FHIT: variants seen among roughly 807,000 people sequenced by gnomAD.
FHIT encodes bis(5'-adenosyl)-triphosphatase.
Under a neutral mutation model 17.9 loss-of-function variants are expected in FHIT, and 19 were observed. That is an observed-to-expected ratio of 1.06 (90% CI 0.74 to 1.56). FHIT has a LOEUF of 1.56. FHIT is among the 40% of genes most tolerant of loss of function. The pLI, the probability that FHIT is intolerant of heterozygous loss-of-function variation, is 0.00. For synonymous variants in FHIT, 81 were observed against 69.7 expected, an observed-to-expected ratio of 1.16 and a Z score of -0.81; for missense variants, 248 against 189.2, an observed-to-expected ratio of 1.31 and a Z score of -1.82.
chr3:61,078,024 T>G (rs968071801), intron 2 of FHIT, among the ~76,000 whole-genome samples: 73 of 152,122 alleles, frequency 4.8e-4, no homozygotes, highest in African/African-American at 1.7e-3. Context: ...GTAGGCACTT[T>G]GCTAACTGGG....
chr3:60,653,185 C>T (rs2040036142), intron 4 of FHIT, among the ~76,000 whole-genome samples: 1 of 152,054 alleles, frequency 6.6e-6, no homozygotes, highest in Non-Finnish European at 1.5e-5. Context: ...AAACATGACA[C>T]TGGAGAAAAC....
intron 8 of FHIT, among the ~76,000 whole-genome samples, chr3:59,919,614 T>C (rs2107180286): frequency 6.6e-6 from 1 of 152,322 alleles, no homozygotes; most frequent in East Asian, 1.9e-4. Context: ...AAGAACACAA[T>C]GTTCCTAGCC....
At chr3:60,176,739 T>C (rs935927506) in intron 5 of FHIT, among the ~76,000 whole-genome samples, 7 of 152,174 alleles carry the variant, frequency 4.6e-5, no homozygotes, top group Admixed American at 2.6e-4. Context: ...TGGCAAATGT[T>C]ACCAGAGAGA....
chr3:60,589,372 G>C (rs72887633), intron 4 of FHIT, among the ~76,000 whole-genome samples: 2,218 of 152,064 alleles, frequency 0.015, 58 homozygotes, highest in African/African-American at 0.05. Context: ...TTAATACAAA[G>C]GGAGGAAGCC....
At chr3:60,567,754 C>T (rs1055572549) in intron 4 of FHIT, among the ~76,000 whole-genome samples, 27 of 151,934 alleles carry the variant, frequency 1.8e-4, no homozygotes, top group African/African-American at 5.1e-4. Context: ...TCAAACAAAT[C>T]TACAAGAAAA....
intron 8 of FHIT, among the ~76,000 whole-genome samples, chr3:59,759,922 G>T (rs1349021): frequency 0.18 from 27,527 of 152,062 alleles, 2,810 homozygotes; most frequent in South Asian, 0.27. Flanking sequence ...TTACTTAGTA[G>T]AAAAATATGT....
intron 5 of FHIT, among the ~76,000 whole-genome samples, chr3:60,234,168 C>G (rs1175117033): frequency 1.3e-5 from 2 of 152,066 alleles, no homozygotes; most frequent in Non-Finnish European, 2.9e-5. Context: ...TACACAAATC[C>G]TTTAAATCAG....
chr3:60,676,330 C>A (rs1419779313), intron 4 of FHIT, among the ~76,000 whole-genome samples: 1 of 152,118 alleles, frequency 6.6e-6, no homozygotes, highest in East Asian at 1.9e-4. Context: ...GAACTTAAAT[C>A]ATCACTTCCC....
Position 61,081,866 on chromosome 3 carries a change from A to G in FHIT, c.-163-39767T>C, listed in dbSNP as rs563053263. Among the ~76,000 whole-genome samples, 4 of 152,330 alleles carry G rather than the reference A, an allele frequency of 2.6e-5. No individual in the cohort carries two copies. The South Asian group carries it at 8.3e-4, about 32-fold the overall frequency. On this transcript the variant is annotated intron_variant, in intron 2 of 9. Transcript: ENST00000492590. The stretch of plus-strand genomic sequence containing the variant: ...AATATCTTTTTGGGGGCACACAAGT[A>G]AACCTATTCTGTGCAGGGCACACAA...
intron 5 of FHIT, among the ~76,000 whole-genome samples, chr3:60,279,521 A>C (rs1018231017): frequency 1.3e-5 from 2 of 152,156 alleles, no homozygotes; most frequent in African/African-American, 4.8e-5. Flanking sequence ...CCTTCTTTAG[A>C]TAGGTAAAGC....
chr3:59,949,173 G>C (rs1204362436), intron 7 of FHIT, among the ~76,000 whole-genome samples: 2 of 152,198 alleles, frequency 1.3e-5, no homozygotes, highest in Admixed American at 6.5e-5. Flanking sequence ...ATATCTTCTA[G>C]ATATGAGTCC....
intron 3 of FHIT, among the ~76,000 whole-genome samples, chr3:60,903,716 T>C (rs1553763820): frequency 6.6e-6 from 1 of 152,198 alleles, no homozygotes; most frequent in Admixed American, 6.5e-5. Context: ...TCAGAGCCAA[T>C]TTTACACATT....
At chr3:60,096,550 AT>A (rs1173066591) in intron 5 of FHIT, among the ~76,000 whole-genome samples, 1 of 152,050 alleles carries the variant, frequency 6.6e-6, no homozygotes, top group Non-Finnish European at 1.5e-5. Context: ...CGGAGGTGGG[AT>A]TTCACTGGGG....
At chr3:60,977,154 T>C (rs1055040742) in intron 3 of FHIT, among the ~76,000 whole-genome samples, 1 of 152,162 alleles carries the variant, frequency 6.6e-6, no homozygotes, top group Non-Finnish European at 1.5e-5. Flanking sequence ...TCACAGATCA[T>C]TCATAATCAC....
intron 5 of FHIT, among the ~76,000 whole-genome samples, chr3:60,201,982 G>C (rs902394598): frequency 6.6e-6 from 1 of 152,170 alleles, no homozygotes; most frequent in Non-Finnish European, 1.5e-5. Flanking sequence ...CCTGTCCCAG[G>C]ATTGCCCACA....
intron 5 of FHIT, among the ~76,000 whole-genome samples, chr3:60,017,801 C>A (rs1404187852): frequency 2.0e-5 from 3 of 152,164 alleles, no homozygotes; most frequent in African/African-American, 4.8e-5. Context: ...ACTGCCAACT[C>A]AGAATACACA....
chr3:59,975,766 G>A (rs1436414522), intron 7 of FHIT, among the ~76,000 whole-genome samples: 1 of 152,056 alleles, frequency 6.6e-6, no homozygotes, highest in Non-Finnish European at 1.5e-5. Context: ...GAGCCTGGTA[G>A]GTCCAGAATA....
In FHIT at chr3:60,044,329, A is replaced by C. The variant is rs923487705; in HGVS notation, c.104-30177T>G. Among the ~76,000 whole-genome samples the C allele has an allele frequency of 2.0e-5, 3 of 152,214 alleles. No homozygotes were observed. The East Asian group carries it at 5.8e-4, about 29-fold the overall frequency. ...TAACCGTTACCCATTAGTAATATAG[A>C]AAGTTGTGAGGCAACGTCTTCAAAC... On this transcript the variant is annotated intron_variant, in intron 5 of 9. Coordinates refer to ENST00000492590, the MANE Select transcript of FHIT (RefSeq NM_002012.4).
At chr3:60,969,160 CT>C (rs1190818025) in intron 3 of FHIT, among the ~76,000 whole-genome samples, 6 of 151,876 alleles carry the variant, frequency 4.0e-5, no homozygotes, top group African/African-American at 1.5e-4. Flanking sequence ...TAAATGGGCT[CT>C]TTTTTGTGGG....
Sources: allele counts gnomAD v4.1 joint callset (sites outside exome capture counted in the v4.1 genomes callset), GRCh38; gene constraint gnomAD v4.1.1; transcripts MANE v1.5; gene names NCBI Gene and HGNC (gene_info 2026-07-23, HGNC 2026-07-21).